The following ITPR1 variants were observed in gnomAD, a reference collection of about 807,000 sequenced individuals.
ITPR1 encodes the protein inositol 1,4,5-trisphosphate receptor type 1.
In ITPR1, 96 loss-of-function variants were observed where a neutral mutation model predicts 318.4. That is an observed-to-expected ratio of 0.30 (90% CI 0.26 to 0.36). The LOEUF (loss-of-function observed/expected upper bound fraction) is 0.36, where lower values mean the gene tolerates loss of function less well. ITPR1 is among the 10% of genes least tolerant of loss of function. The pLI is 1.00. For missense variants in ITPR1, 2,440 were observed against 3,460.2 expected (o/e 0.71, Z 7.40); for synonymous variants, 1,312 against 1,289.9 (o/e 1.02, Z -0.37).
At chr3:4,839,492 GT>G (rs1559990785) in intron 61 of ITPR1, among the ~76,000 whole-genome samples, 1 of 152,112 alleles carries the variant, frequency 6.6e-6, no homozygotes, top group Non-Finnish European at 1.5e-5. Context: ...GTGTGTGTGT[GT>G]TTTTATTTGC....
chr3:4,615,325 T>C (rs1038024153), intron 4 of ITPR1, among the ~76,000 whole-genome samples: 5 of 152,050 alleles, frequency 3.3e-5, no homozygotes, highest in Admixed American at 2.0e-4. Flanking sequence ...CTGGCCCCTT[T>C]TGTCTTCCAC....
chr3:4,832,183 G>A (rs1015496389), intron 60 of ITPR1, among the ~76,000 whole-genome samples: 13 of 152,022 alleles, frequency 8.6e-5, no homozygotes, highest in African/African-American at 1.7e-4. Context: ...GGGATCCCTC[G>A]TAGCCCAGCT....
At chr3:4,721,285 G>T (rs1458599307) in intron 40 of ITPR1, among the ~76,000 whole-genome samples, 2 of 150,742 alleles carry the variant, frequency 1.3e-5, no homozygotes, top group Non-Finnish European at 2.9e-5. Flanking sequence ...AATGAACTTT[G>T]CTATTGGGTT....
intron 4 of ITPR1, among the ~76,000 whole-genome samples, chr3:4,621,169 T>G (rs2092616028): frequency 6.6e-6 from 1 of 152,042 alleles, no homozygotes; most frequent in Non-Finnish European, 1.5e-5. Context: ...TACAGAGAAA[T>G]ACAAGATATA....
chr3:4,616,702 G>T (rs1248377880), intron 4 of ITPR1, among the ~76,000 whole-genome samples: 1 of 152,168 alleles, frequency 6.6e-6, no homozygotes, highest in Non-Finnish European at 1.5e-5. Flanking sequence ...ATGTTTAATT[G>T]CTGCAACTCC....
At chr3:4,698,733 T>A (rs920887050) in intron 34 of ITPR1, among the ~76,000 whole-genome samples, 5 of 152,236 alleles carry the variant, frequency 3.3e-5, no homozygotes, top group Non-Finnish European at 7.3e-5. Context: ...TCTCAGACTG[T>A]CTAGTTTTAA....
chr3:4,777,788 CA>C (rs34204694), intron 48 of ITPR1, among the ~76,000 whole-genome samples: 6 of 146,338 alleles, frequency 4.1e-5, no homozygotes, highest in African/African-American at 1.0e-4. Flanking sequence ...TATCTAGGAC[CA>C]AAAAAAAAAA....
chr3:4,703,399 G>C (rs2094696013), intron 36 of ITPR1, among the ~76,000 whole-genome samples: 1 of 152,108 alleles, frequency 6.6e-6, no homozygotes, highest in Non-Finnish European at 1.5e-5. Context: ...CCCTTGAGTA[G>C]AAATGATTCT....
Position 4,779,711 on chromosome 3 carries a change from G to C in ITPR1, c.6387+66G>C. The C allele has an allele frequency of 1.8e-6, 2 of 1,126,910 alleles. No individual in the cohort carries two copies. The highest frequency in any genetic ancestry group is 1.3e-5 in the South Asian group (1 of 77,026). The allele number at this position is 1,126,910 out of a possible 1,614,324, so 69.8% of individuals were successfully genotyped here. ...TTGCGACGATATTTGGGACAGAGCA[G>C]AGGATCTGCTTCCTGGAGCTTTCTT... On this transcript the variant is annotated intron_variant, in intron 49 of 61. Transcript: ENST00000649015. The surrounding 1 kb of genome is among the most constrained non-coding windows in gnomAD (Gnocchi z 4.0).
At chr3:4,617,881 AG>A (rs2092449241) in intron 4 of ITPR1, among the ~76,000 whole-genome samples, 1 of 151,208 alleles carries the variant, frequency 6.6e-6, no homozygotes, top group African/African-American at 2.4e-5. Flanking sequence ...ACTCCCTGAG[AG>A]GTTGAGGTGG....
rs531235222 is a variant in ITPR1, at chr3:4,683,770, C to G, written c.3470C>G (p.Ser1157Cys). Residue 1157 changes from serine (S) to cysteine (C), a missense_variant, in exon 28 of 62, where the codon TCT (serine) becomes TGT (cysteine). Ser to Cys is a moderately radical substitution (Grantham distance 112). This residue lies in a region of ITPR1 where 86 missense variants were observed against 75.6 expected (regional missense o/e 1.14). Coordinates refer to ENST00000649015, the MANE Select transcript of ITPR1 (RefSeq NM_001378452.1). ...CCCGATGAGACTATGGATGGTGCATCTGGAGAAAATGAACATAAGAAAACG... is the reference window on the plus strand; with the variant it reads ...CCCGATGAGACTATGGATGGTGCATGTGGAGAAAATGAACATAAGAAAACG... ...QGPDETMDGA[S>C]GENEHKKTEE... is the part of the protein sequence containing the mutation. 6.2e-7 allele frequency: 1 copy of G among 1,613,958 alleles called. No homozygotes were observed. Among genetic ancestry groups the G allele is most frequent in the Non-Finnish European group, 8.5e-7 (1 of 1,179,856 alleles).
chr3:4,656,817 TG>T (rs2093720433), intron 12 of ITPR1, among the ~76,000 whole-genome samples: 1 of 152,320 alleles, frequency 6.6e-6, no homozygotes, highest in East Asian at 1.9e-4. Flanking sequence ...AAAGAAAATG[TG>T]CTTCCTCAAT....
At chr3:4,697,024 T>TAAG in intron 33 of ITPR1, 123 bp from the exon 34 acceptor site, 1 of 737,118 alleles carries the variant, frequency 1.4e-6, no homozygotes, top group Admixed American at 2.8e-5. Context: ...ATCATAGAAG[T>TAAG]AAGACTTGGC....
chr3:4,825,796 G>A (rs1158378839), intron 60 of ITPR1: 2 of 456,784 alleles, frequency 4.4e-6, no homozygotes, highest in Non-Finnish European at 8.8e-6. Flanking sequence ...CTGAAGTTGG[G>A]GACAACAGCT....
At chr3:4,567,713 C>T (rs2087487511) in intron 4 of ITPR1, among the ~76,000 whole-genome samples, 1 of 152,172 alleles carries the variant, frequency 6.6e-6, no homozygotes, top group South Asian at 2.1e-4. Flanking sequence ...GTGATCCTCC[C>T]ACCTCAGCCT....
chr3:4,814,624 C>T (rs2049169257), intron 58 of ITPR1, 62 bp downstream of exon 58: 4 of 1,414,086 alleles, frequency 2.8e-6, no homozygotes, highest in Admixed American at 3.6e-5. Flanking sequence ...GGTGGGAGCA[C>T]CATGCAGCGG....
chr3:4,807,960 T>G (rs767890300), intron 55 of ITPR1, among the ~76,000 whole-genome samples: 13 of 152,224 alleles, frequency 8.5e-5, no homozygotes, highest in Non-Finnish European at 1.2e-4. Context: ...GCCCCTTTGG[T>G]CAACGCCACC....
At chr3:4,525,964 C>G (rs973641189) in intron 4 of ITPR1, among the ~76,000 whole-genome samples, 1 of 152,174 alleles carries the variant, frequency 6.6e-6, no homozygotes, top group Non-Finnish European at 1.5e-5. Flanking sequence ...TAAATCACCT[C>G]CAGGGTTGTT....
intron 54 of ITPR1, among the ~76,000 whole-genome samples, chr3:4,801,644 A>G (rs879426653): frequency 9.9e-5 from 15 of 152,122 alleles, no homozygotes; most frequent in Non-Finnish European, 1.5e-5. Flanking sequence ...TGCGCCTATA[A>G]TCCTAGCTAC....
Sources: allele counts gnomAD v4.1 joint callset (sites outside exome capture counted in the v4.1 genomes callset), GRCh38; gene constraint gnomAD v4.1.1; regional missense constraint gnomAD v4.1.1; non-coding constraint Gnocchi (gnomAD v3.1); transcripts MANE v1.5; gene names NCBI Gene and HGNC (gene_info 2026-07-23, HGNC 2026-07-21).